The following BOLL variants were observed in gnomAD, a reference collection of about 807,000 sequenced individuals.
BOLL encodes the protein boule RNA binding protein.
In BOLL, 23 loss-of-function variants were observed where a neutral mutation model predicts 44.4. That is an observed-to-expected ratio of 0.52 (90% CI 0.37 to 0.73). BOLL has a LOEUF of 0.73. BOLL is among the 30% of genes least tolerant of loss of function. BOLL has a pLI of 0.00. For synonymous variants in BOLL, 97 were observed against 110.8 expected, an observed-to-expected ratio of 0.88 and a Z score of 0.78; for missense variants, 287 against 338.3, an observed-to-expected ratio of 0.85 and a Z score of 1.19.
chr2:197,753,620 A>G (rs1259495595), intron 9 of BOLL, among the ~76,000 whole-genome samples: 1 of 152,210 alleles, frequency 6.6e-6, no homozygotes, highest in Non-Finnish European at 1.5e-5. Context: ...GGCGATCACT[A>G]AAAAGTCAGG....
rs1471697196 is a variant in BOLL at position 197,758,885 on chromosome 2, G to A, written c.553-1485C>T. ...AGTCCAATACCTGTATCTTACTTGGGGAATTATTGCTAAAGACTTTTTAGA... is the reference window on the plus strand; with the variant it reads ...AGTCCAATACCTGTATCTTACTTGGAGAATTATTGCTAAAGACTTTTTAGA... On this transcript the variant is annotated intron_variant, in intron 7 of 10. Transcript: ENST00000392296. 3 of 1,438,918 alleles carry A rather than the reference G, an allele frequency of 2.1e-6. No homozygotes were observed. In the East Asian group the frequency reaches 7.4e-5, roughly 36 times the overall value. The allele number at this position is 1,438,918 out of a possible 1,614,324, so 89.1% of individuals were successfully genotyped here. A position where few individuals can be genotyped will look rare whatever the true frequency, so the allele number is the denominator to read the frequency against.
At chr2:197,734,575 A>G (rs1405331209) in intron 10 of BOLL, among the ~76,000 whole-genome samples, 1 of 152,216 alleles carries the variant, frequency 6.6e-6, no homozygotes, top group East Asian at 1.9e-4. Flanking sequence ...TCCAACAATG[A>G]TAGAGTGGAT....
intron 7 of BOLL, among the ~76,000 whole-genome samples, chr2:197,760,349 G>A (rs1302318349): frequency 6.6e-6 from 1 of 152,188 alleles, no homozygotes; most frequent in Non-Finnish European, 1.5e-5. Flanking sequence ...GAACAGCCAT[G>A]CAGCTGTATT....
chr2:197,769,580 A>G (rs377720431), intron 6 of BOLL, among the ~76,000 whole-genome samples: 2 of 152,324 alleles, frequency 1.3e-5, no homozygotes, highest in East Asian at 3.9e-4. Flanking sequence ...TGCAGATGAC[A>G]TGATTGTATA....
intron 9 of BOLL, among the ~76,000 whole-genome samples, chr2:197,749,593 A>G (rs903372001): frequency 1.3e-5 from 2 of 151,918 alleles, no homozygotes; most frequent in Non-Finnish European, 2.9e-5. Flanking sequence ...AAGCATACAC[A>G]AGTATCAATA....
intron 10 of BOLL, among the ~76,000 whole-genome samples, chr2:197,741,559 G>A (rs1687733788): frequency 6.6e-6 from 1 of 152,124 alleles, no homozygotes; most frequent in Non-Finnish European, 1.5e-5. Context: ...CAAGAAATGG[G>A]GAAAGGATCC....
chr2:197,728,493 C>T lies in BOLL; in HGVS notation c.*62G>A, dbSNP rs758485164. The stretch of plus-strand genomic sequence containing the variant: ...TAGCTGGTTCGTTGAAGCTGGATCT[C>T]GGCCACGCAAGGATCATTGGACAAG... On this transcript the variant is annotated 3_prime_UTR_variant, in exon 11 of 11. Coordinates refer to ENST00000392296, the MANE Select transcript of BOLL (RefSeq NM_033030.6). The T allele has an allele frequency of 2.9e-5, 47 of 1,613,638 alleles. No homozygotes were observed. Among genetic ancestry groups the T allele is most frequent in the Admixed American group, 1.2e-4 (7 of 59,974 alleles).
At chr2:197,780,350 C>T (rs1689711370) in intron 2 of BOLL, among the ~76,000 whole-genome samples, 1 of 151,994 alleles carries the variant, frequency 6.6e-6, no homozygotes, top group Non-Finnish European at 1.5e-5. Flanking sequence ...GGAGGAAGCC[C>T]TAGCAATTAC....
rs1686931444 is a variant in BOLL at position 197,728,182 on chromosome 2, A to G, written c.*373T>C. 3.0e-6 allele frequency: 1 copy of G among 338,384 alleles called. No homozygotes were observed. Among genetic ancestry groups the G allele is most frequent in the South Asian group, 1.2e-4 (1 of 8,032 alleles). 21.0% of individuals were successfully genotyped at this position (338,384 alleles called of 1,614,324 possible). ...TGAAAATAAATATCAAATAATATGA[A>G]ACATAACATCTAATTGTTTGATAAG... On this transcript the variant is annotated 3_prime_UTR_variant, in exon 11 of 11. Coordinates refer to ENST00000392296, the MANE Select transcript of BOLL (RefSeq NM_033030.6).
intron 7 of BOLL, among the ~76,000 whole-genome samples, chr2:197,759,829 A>C (rs1688673240): frequency 6.6e-6 from 1 of 152,234 alleles, no homozygotes; most frequent in Non-Finnish European, 1.5e-5. Context: ...GAATGGTTAC[A>C]CACCTGCATA....
intron 7 of BOLL, 130 bp from the exon 8 acceptor site, chr2:197,757,530 A>G (rs1688572974): frequency 2.9e-6 from 2 of 681,862 alleles, no homozygotes; most frequent in Non-Finnish European, 4.8e-6. Context: ...GCCATATACA[A>G]AAATTAACTC....
At position 197,743,172 on chromosome 2, in the gene BOLL, AAG is replaced by A. The variant is rs1264884249; in HGVS notation, c.730-15_730-14del. The A allele has an allele frequency of 1.9e-6, 3 of 1,547,174 alleles. No individual in the cohort carries two copies. The highest frequency in any genetic ancestry group is 4.6e-5 in the East Asian group (2 of 43,470). On this transcript the variant is annotated splice_polypyrimidine_tract_variant and intron_variant, in intron 9 of 10. Coordinates refer to ENST00000392296, the MANE Select transcript of BOLL (RefSeq NM_033030.6). ...GATCAGAATAAGGCTATTACAAAAAAAGAGAGAAAAAATGTCACCTTTCATCT... is the reference window on the plus strand; with the variant it reads ...GATCAGAATAAGGCTATTACAAAAAAAGAGAAAAAATGTCACCTTTCATCT...
At chr2:197,756,374 ATAAATGT>A (rs2106349447) in intron 9 of BOLL, 47 bp downstream of exon 9, 2 of 1,425,966 alleles carry the variant, frequency 1.4e-6, no homozygotes, top group Admixed American at 2.5e-5. Context: ...AGAAAAAGAA[ATAAATGT>A]TAACATGAGG....
At chr2:197,772,426 G>A (rs1282333028) in intron 5 of BOLL, among the ~76,000 whole-genome samples, 1 of 152,076 alleles carries the variant, frequency 6.6e-6, no homozygotes, top group African/African-American at 2.4e-5. Context: ...GTCCAAAGAT[G>A]ATGGAGGCAG....
Position 197,743,155 on chromosome 2 carries a change from T to G in BOLL, c.734A>C (p.Tyr245Ser). 6 of 1,586,088 alleles carry G rather than the reference T, an allele frequency of 3.8e-6. No individual in the cohort carries two copies. The highest frequency in any genetic ancestry group is 4.3e-6 in the Non-Finnish European group (5 of 1,166,556). The change falls in exon 10 of 11, where the codon TAT becomes TCT. Residue 245 changes from tyrosine to serine, a missense_variant. Physicochemically the swap from Tyr to Ser is moderately radical, Grantham distance 144 (BLOSUM62 -2). Transcript: ENST00000392296. ...TGTTGCTTGAACTCCATGATCAGAATAAGGCTATTACAAAAAAAGAGAGAA... is the reference window on the plus strand; with the variant it reads ...TGTTGCTTGAACTCCATGATCAGAAGAAGGCTATTACAAAAAAAGAGAGAA... ...SLMETSVPEP[Y>S]SDHGVQATYH...
chr2:197,781,066 G>C (rs1689755021), intron 2 of BOLL, among the ~76,000 whole-genome samples: 1 of 152,016 alleles, frequency 6.6e-6, no homozygotes, highest in African/African-American at 2.4e-5. Flanking sequence ...TACACGTGCA[G>C]ATTTGTTATA....
intron 9 of BOLL, among the ~76,000 whole-genome samples, chr2:197,751,417 AAG>A (rs1409137545): frequency 6.6e-6 from 1 of 152,194 alleles, no homozygotes; most frequent in Non-Finnish European, 1.5e-5. Flanking sequence ...TAAAGAAGAA[AAG>A]AGAGAAGAAT....
chr2:197,742,835 T>G (rs1687815141), intron 10 of BOLL, among the ~76,000 whole-genome samples: 1 of 151,852 alleles, frequency 6.6e-6, no homozygotes, highest in Non-Finnish European at 1.5e-5. Flanking sequence ...AAAATAAAAA[T>G]TTTTTAAAAA....
intron 7 of BOLL, among the ~76,000 whole-genome samples, chr2:197,761,852 CAAAG>C (rs1353867957): frequency 6.6e-6 from 1 of 151,932 alleles, no homozygotes; most frequent in African/African-American, 2.4e-5. Flanking sequence ...TAAAAAGAGA[CAAAG>C]AAGGACATTT....
Sources: gnomAD v4.1 joint callset for allele counts (sites outside exome capture counted in the v4.1 genomes callset) on GRCh38, gnomAD v4.1.1 for gene constraint, MANE v1.5 for transcripts, NCBI Gene and HGNC (gene_info 2026-07-23, HGNC 2026-07-21) for gene names.